Variants in ALPL observed in about 807,000 individuals in gnomAD.
ALPL encodes the protein alkaline phosphatase, biomineralization associated.
In ALPL, 42 loss-of-function variants were observed where a neutral mutation model predicts 51.3. The ratio of observed to expected loss-of-function variants is 0.82; its 90% CI spans 0.64 to 1.06. The LOEUF is 1.06. ALPL is among the 50% of genes least tolerant of loss of function. The pLI, the probability that ALPL is intolerant of heterozygous loss-of-function variation, is 0.00. For synonymous variants in ALPL, 279 were observed against 296.4 expected, an observed-to-expected ratio of 0.94 and a Z score of 0.60; for missense variants, 589 against 709.4, an observed-to-expected ratio of 0.83 and a Z score of 1.93.
intron 7 of ALPL, among the ~76,000 whole-genome samples, chr1:21,570,030 T>A (rs1331859594): frequency 6.6e-6 from 1 of 152,080 alleles, no homozygotes; most frequent in Non-Finnish European, 1.5e-5. Context: ...CAGGGACCCA[T>A]TAGAACATCA....
chr1:21,547,078 ACT>A (rs1483863638), intron 1 of ALPL, among the ~76,000 whole-genome samples: 1 of 152,174 alleles, frequency 6.6e-6, no homozygotes, highest in African/African-American at 2.4e-5. Context: ...GCTGACAGAA[ACT>A]CTGTCCCGTT....
At position 21,551,719 on chromosome 1, in the gene ALPL, G is replaced by T. The variant is rs1229389098; in HGVS notation, c.-104-2259G>T. 1.5e-3 allele frequency among the ~76,000 whole-genome samples: 92 copies of T among 61,436 alleles called. 1 individual carries two copies. Among genetic ancestry groups the T allele is most frequent in the African/African-American group, 3.8e-3 (62 of 16,126 alleles). 40.3% of individuals were successfully genotyped at this position (61,436 alleles called of 152,430 possible). ...CTGGCACTGGAGCGCAGCTTGCGTG[G>T]TTTTTTTTTTTTTTTTTTTTTTTTT... On this transcript the variant is annotated intron_variant, in intron 1 of 11. Coordinates refer to ENST00000374840, the MANE Select transcript of ALPL (RefSeq NM_000478.6).
chr1:21,547,442 G>A (rs934036586), intron 1 of ALPL, among the ~76,000 whole-genome samples: 4 of 152,158 alleles, frequency 2.6e-5, no homozygotes, highest in Non-Finnish European at 2.9e-5. Flanking sequence ...TGGTCCTCAC[G>A]GTGGCCCTCA....
intron 1 of ALPL, among the ~76,000 whole-genome samples, chr1:21,549,249 T>C (rs1644289948): frequency 6.6e-6 from 1 of 152,196 alleles, no homozygotes; most frequent in Non-Finnish European, 1.5e-5. Context: ...TCAAGTTTGA[T>C]CAGGGTGTTA....
chr1:21,565,729 C>A (rs1644554284), intron 6 of ALPL, among the ~76,000 whole-genome samples: 1 of 151,850 alleles, frequency 6.6e-6, no homozygotes, highest in African/African-American at 2.4e-5. Flanking sequence ...CCCAGCCCCA[C>A]CTGCCTCTCC....
intron 1 of ALPL, among the ~76,000 whole-genome samples, chr1:21,533,849 G>C (rs530104259): frequency 8.6e-4 from 131 of 152,004 alleles, no homozygotes; most frequent in African/African-American, 2.9e-3. Flanking sequence ...CCTGAACCTC[G>C]GAGGTGGAGT....
chr1:21,569,580 G>A (rs1367978975), intron 7 of ALPL, among the ~76,000 whole-genome samples: 2 of 152,060 alleles, frequency 1.3e-5, no homozygotes, highest in South Asian at 2.1e-4. Flanking sequence ...GGGAGGGGGG[G>A]TGCGGAGCCC....
At chr1:21,552,479 CAAAA>C (rs34760747) in intron 1 of ALPL, among the ~76,000 whole-genome samples, 1 of 123,500 alleles carries the variant, frequency 8.1e-6, no homozygotes, top group South Asian at 2.4e-4. Flanking sequence ...AACTCCGTCT[CAAAA>C]AAAAAAAAAA....
In ALPL at chr1:21,527,125, CGGGT is replaced by C. The variant is rs551331524; in HGVS notation, c.-105+17609_-105+17612del. On this transcript the variant is annotated intron_variant, in intron 1 of 11. Transcript: ENST00000374840. Reference sequence around the variant, plus strand: ...TCAGCTCTCCACAACCTCTGCCTCCCGGGTTCAAGCGATTCTCCTGTCTCAGCCT... The same window carrying C: ...TCAGCTCTCCACAACCTCTGCCTCCCTCAAGCGATTCTCCTGTCTCAGCCT... Among the ~76,000 whole-genome samples the C allele has an allele frequency of 2.1e-3, 309 of 150,646 alleles. 2 individuals are homozygous for C. The highest frequency in any genetic ancestry group is 7.0e-3 in the African/African-American group (288 of 41,278).
intron 10 of ALPL, among the ~76,000 whole-genome samples, chr1:21,576,278 GAT>G (rs1644735014): frequency 2.0e-5 from 3 of 149,872 alleles, no homozygotes; most frequent in African/African-American, 7.4e-5. Context: ...TGGGTGGATG[GAT>G]GGATGGGTGG....
At chr1:21,553,092 T>C (rs1306915191) in intron 1 of ALPL, among the ~76,000 whole-genome samples, 1 of 151,466 alleles carries the variant, frequency 6.6e-6, no homozygotes, top group Non-Finnish European at 1.5e-5. Flanking sequence ...GAAATAATCA[T>C]TCATAGTCCT....
At position 21,577,906 on chromosome 1, in the gene ALPL, CAG is replaced by C. The variant is rs1644765299; in HGVS notation, c.*263_*264del. On this transcript the variant is annotated 3_prime_UTR_variant, in exon 12 of 12. Coordinates refer to ENST00000374840, the MANE Select transcript of ALPL (RefSeq NM_000478.6). Reference sequence around the variant, plus strand: ...ACAGGGTAGATTTCTCTTGGGCAGGCAGAGAGTACAGACTGCAGACATTCTCA... The same window carrying C: ...ACAGGGTAGATTTCTCTTGGGCAGGCAGAGTACAGACTGCAGACATTCTCA... The C allele has an allele frequency of 3.4e-6, 2 of 593,196 alleles. No homozygotes were observed. The highest frequency in any genetic ancestry group is 3.0e-5 in the Admixed American group (1 of 33,612). The allele number at this position is 593,196 out of a possible 1,614,324, so 36.7% of individuals were successfully genotyped here.
rs867333918 is a variant in ALPL, at chr1:21,560,736, C to T, written c.172C>T (p.Leu58=). ...TNVAKNVIMF[L]GDGMGVSTVT... ...CGTGGCTAAGAATGTCATCATGTTC[C>T]TGGGAGATGGTGAGGCCCAGGGGCC... The change falls in exon 3 of 12, where the codon CTG becomes TTG. Residue 58 remains leucine (L), a synonymous_variant. Coordinates refer to ENST00000374840, the MANE Select transcript of ALPL (RefSeq NM_000478.6). 7 of 1,613,990 alleles carry T rather than the reference C, an allele frequency of 4.3e-6. No individual in the cohort carries two copies. The Admixed American group carries it at 8.3e-5, about 19-fold the overall frequency.
intron 1 of ALPL, among the ~76,000 whole-genome samples, chr1:21,517,765 C>G (rs1485410879): frequency 2.0e-5 from 3 of 152,078 alleles, no homozygotes; most frequent in African/African-American, 7.2e-5. Flanking sequence ...TGAGGCAAGG[C>G]CTTAGGATTT....
chr1:21,534,083 G>A (rs568958227), intron 1 of ALPL, among the ~76,000 whole-genome samples: 162 of 152,222 alleles, frequency 1.1e-3, no homozygotes, highest in Admixed American at 3.7e-3. Context: ...CTCCTGGGCT[G>A]AAGCGATCCT....
intron 5 of ALPL, 45 bp from the exon 6 acceptor site, chr1:21,563,996 C>CCT (rs778719582): frequency 1.2e-6 from 2 of 1,608,400 alleles, no homozygotes; most frequent in Non-Finnish European, 1.7e-6. Flanking sequence ...CTCTGGGACA[C>CCT]CCCGATCTGT....
rs143655090 is a variant in ALPL at position 21,563,821 on chromosome 1, G to A, written c.473-220G>A. On this transcript the variant is annotated intron_variant, in intron 5 of 11. Coordinates refer to ENST00000374840, the MANE Select transcript of ALPL (RefSeq NM_000478.6). ...AGGTGCTCACATCTCAAGGGCCTTC[G>A]GGGTGAGGGGAGAGGGTTCCAGAGG... 0.012 allele frequency among the ~76,000 whole-genome samples: 1,854 copies of A among 152,276 alleles called. 16 individuals carry two copies. The highest frequency in any genetic ancestry group is 0.019 in the South Asian group (94 of 4,824).
At chr1:21,510,013 G>A (rs967255808) in intron 1 of ALPL, among the ~76,000 whole-genome samples, 5 of 152,196 alleles carry the variant, frequency 3.3e-5, no homozygotes, top group African/African-American at 1.2e-4. Flanking sequence ...AGTTTGGTTT[G>A]GGAGGAGGAG....
At chr1:21,515,641 G>A (rs929331543) in intron 1 of ALPL, among the ~76,000 whole-genome samples, 7 of 152,056 alleles carry the variant, frequency 4.6e-5, no homozygotes, top group Admixed American at 2.6e-4. Flanking sequence ...CACCCTCCTC[G>A]GCCTCGCAAA....
Sources: gnomAD v4.1 joint callset for allele counts (sites outside exome capture counted in the v4.1 genomes callset) on GRCh38, gnomAD v4.1.1 for gene constraint, MANE v1.5 for transcripts, NCBI Gene and HGNC (gene_info 2026-07-23, HGNC 2026-07-21) for gene names.